The following PDZRN3 variants were observed in gnomAD, a reference collection of about 807,000 sequenced individuals.
PDZRN3 encodes the protein E3 ubiquitin-protein ligase PDZRN3.
Under a neutral mutation model 85.7 loss-of-function variants are expected in PDZRN3, and 38 were observed. The observed-to-expected ratio is 0.44, with a 90% CI of 0.34 to 0.58. The LOEUF (loss-of-function observed/expected upper bound fraction) is 0.58, where lower values mean the gene tolerates loss of function less well. Among genes scored for constraint, PDZRN3 ranks in the 20% least tolerant of loss-of-function variants. PDZRN3 has a pLI of 0.01. For synonymous variants in PDZRN3, 759 were observed against 638.0 expected, an observed-to-expected ratio of 1.19 and a Z score of -2.86; for missense variants, 1,629 against 1,506.4, an observed-to-expected ratio of 1.08 and a Z score of -1.35.
chr3:73,612,487 T>C (rs1469667784), intron 1 of PDZRN3, among the ~76,000 whole-genome samples: 2 of 152,238 alleles, frequency 1.3e-5, no homozygotes, highest in Non-Finnish European at 2.9e-5. Context: ...AGATTAAGAA[T>C]GTCTATTATA....
chr3:73,563,013 A>ATATATATATATATATATT (rs1187151191), intron 3 of PDZRN3, among the ~76,000 whole-genome samples: 2 of 43,756 alleles, frequency 4.6e-5, no homozygotes, highest in African/African-American at 2.0e-4. Flanking sequence ...ATATATATAT[A>ATATATATATATATATATT]TTTTTTTTTT....
intron 3 of PDZRN3, among the ~76,000 whole-genome samples, chr3:73,529,096 G>A (rs1704594426): frequency 6.6e-6 from 1 of 152,102 alleles, no homozygotes; most frequent in Non-Finnish European, 1.5e-5. Flanking sequence ...GTGGAGCAAG[G>A]ATTTGGAACC....
intron 3 of PDZRN3, among the ~76,000 whole-genome samples, chr3:73,528,406 C>T (rs922438285): frequency 8.5e-5 from 13 of 152,120 alleles, no homozygotes; most frequent in African/African-American, 1.4e-4. Flanking sequence ...AGACAAATCA[C>T]GCAATATACA....
At chr3:73,572,401 T>C (rs1027957520) in intron 3 of PDZRN3, among the ~76,000 whole-genome samples, 2 of 151,346 alleles carry the variant, frequency 1.3e-5, no homozygotes, top group Admixed American at 6.6e-5. Flanking sequence ...TAAGTTGACA[T>C]AAAAAAGTCC....
Position 73,608,700 on chromosome 3 carries a change from GA to G in PDZRN3, c.724-17del. The G allele has an allele frequency of 6.5e-7, 1 of 1,543,090 alleles. No individual in the cohort carries two copies. The highest frequency in any genetic ancestry group is 8.9e-7 in the Non-Finnish European group (1 of 1,121,970). ...TTTCTTCGCCCTGCAGGTAACAAAT[GA>G]GATCAAACTTTTATTTACCAACAGG... On this transcript the variant is annotated splice_polypyrimidine_tract_variant and intron_variant, in intron 1 of 9. Coordinates refer to ENST00000263666, the MANE Select transcript of PDZRN3 (RefSeq NM_015009.3).
intron 3 of PDZRN3, among the ~76,000 whole-genome samples, chr3:73,517,667 T>A (rs1251911172): frequency 6.6e-6 from 1 of 152,216 alleles, no homozygotes; most frequent in Non-Finnish European, 1.5e-5. Flanking sequence ...ATTGAATCCA[T>A]ATCTGTAATT....
intron 3 of PDZRN3, among the ~76,000 whole-genome samples, chr3:73,498,584 A>G (rs1023211906): frequency 2.0e-5 from 3 of 151,660 alleles, no homozygotes; most frequent in African/African-American, 7.3e-5. Flanking sequence ...ACAGTGATTC[A>G]TAACTTTTTT....
chr3:73,552,376 AT>A (rs1210448056), intron 3 of PDZRN3, among the ~76,000 whole-genome samples: 1 of 152,166 alleles, frequency 6.6e-6, no homozygotes, highest in Non-Finnish European at 1.5e-5. Flanking sequence ...AAGTGTCTTC[AT>A]GATTAACTTT....
At chr3:73,525,965 A>G (rs1021774972) in intron 3 of PDZRN3, among the ~76,000 whole-genome samples, 1 of 152,138 alleles carries the variant, frequency 6.6e-6, no homozygotes, top group African/African-American at 2.4e-5. Flanking sequence ...GTGTCAGTAG[A>G]TGGAGCCACA....
chr3:73,469,396 A>G (rs1000217630), intron 3 of PDZRN3, among the ~76,000 whole-genome samples: 3 of 152,192 alleles, frequency 2.0e-5, no homozygotes, highest in African/African-American at 7.2e-5. Flanking sequence ...AATACGAATG[A>G]GATCTGAACA....
chr3:73,562,243 A>AGAGTCAT (rs1369391990), intron 3 of PDZRN3, among the ~76,000 whole-genome samples: 58 of 152,228 alleles, frequency 3.8e-4, no homozygotes, highest in African/African-American at 1.4e-3. Flanking sequence ...AGATAAAAAA[A>AGAGTCAT]GAGTCATGAG....
chr3:73,531,998 A>G (rs544772361), intron 3 of PDZRN3, among the ~76,000 whole-genome samples: 2 of 152,336 alleles, frequency 1.3e-5, no homozygotes, highest in South Asian at 4.1e-4. Context: ...ATCATTGGCA[A>G]CAAATTCCAA....
intron 3 of PDZRN3, among the ~76,000 whole-genome samples, chr3:73,540,291 C>T (rs949658441): frequency 2.0e-5 from 3 of 151,980 alleles, no homozygotes; most frequent in Non-Finnish European, 2.9e-5. Context: ...TTTCACATGC[C>T]TCTGTAAACA....
At chr3:73,450,233 T>C (rs75421417) in intron 3 of PDZRN3, among the ~76,000 whole-genome samples, 9,416 of 152,292 alleles carry the variant, frequency 0.062, 380 homozygotes, top group Middle Eastern at 0.13. Flanking sequence ...GTGTTCTACA[T>C]TGACATGCCA....
intron 3 of PDZRN3, among the ~76,000 whole-genome samples, chr3:73,436,854 T>C (rs1702540115): frequency 6.6e-6 from 1 of 152,038 alleles, no homozygotes; most frequent in Non-Finnish European, 1.5e-5. Context: ...GAGACCATCC[T>C]GGCCAACATG....
intron 3 of PDZRN3, among the ~76,000 whole-genome samples, chr3:73,585,034 T>C (rs1353212608): frequency 6.6e-6 from 1 of 152,216 alleles, no homozygotes. Flanking sequence ...GCCTCCACTT[T>C]GAAGAGATAA....
chr3:73,389,964 A>C, intron 6 of PDZRN3, 86 bp from the exon 7 acceptor site: 1 of 937,130 alleles, frequency 1.1e-6, no homozygotes, highest in East Asian at 2.4e-5. Context: ...TCTAAAACAC[A>C]GTCATGCTCA....
chr3:73,397,190 C>T (rs1056303112), intron 5 of PDZRN3, among the ~76,000 whole-genome samples: 2 of 152,028 alleles, frequency 1.3e-5, no homozygotes, highest in African/African-American at 2.4e-5. Context: ...TGAGCCACTG[C>T]GTCTGGCCAG....
At chr3:73,402,698 C>T (rs1701773026) in intron 4 of PDZRN3, among the ~76,000 whole-genome samples, 1 of 152,154 alleles carries the variant, frequency 6.6e-6, no homozygotes, top group Non-Finnish European at 1.5e-5. Flanking sequence ...AAGGGCAAGC[C>T]TTTATCCAGA....
Sources: gnomAD v4.1 joint callset for allele counts (sites outside exome capture counted in the v4.1 genomes callset) on GRCh38, gnomAD v4.1.1 for gene constraint, MANE v1.5 for transcripts, NCBI Gene and HGNC (gene_info 2026-07-23, HGNC 2026-07-21) for gene names.